The following CCDC30 variants were observed in gnomAD, a reference collection of about 807,000 sequenced individuals.
CCDC30 encodes the protein coiled-coil domain-containing protein 30.
Under a neutral mutation model 100.2 loss-of-function variants are expected in CCDC30, and 70 were observed. The ratio of observed to expected loss-of-function variants is 0.70; its 90% CI spans 0.58 to 0.85. The LOEUF (loss-of-function observed/expected upper bound fraction) is 0.85, where lower values mean the gene tolerates loss of function less well. Ranked by LOEUF, CCDC30 falls within the 40% of genes least tolerant of loss-of-function variation. The probability of loss-of-function intolerance (pLI) is 0.00; values close to 1 mark genes in which losing one functional copy is unlikely to be tolerated. For missense variants in CCDC30, 652 were observed against 771.2 expected (o/e 0.85, Z 1.83); for synonymous variants, 233 against 269.5 (o/e 0.86, Z 1.33).
At chr1:42,484,587 CT>C (rs1644019875) in intron 3 of CCDC30, among the ~76,000 whole-genome samples, 1 of 152,166 alleles carries the variant, frequency 6.6e-6, no homozygotes, top group South Asian at 2.1e-4. Context: ...TTAGCAAGTC[CT>C]TTTGGAATGT....
chr1:42,628,043 A>G (rs1646965219), intron 11 of CCDC30, among the ~76,000 whole-genome samples: 1 of 152,168 alleles, frequency 6.6e-6, no homozygotes, highest in African/African-American at 2.4e-5. Flanking sequence ...ATGCCAGCCC[A>G]TGAAACAGCC....
At chr1:42,499,251 A>G (rs1037014535) in intron 6 of CCDC30, among the ~76,000 whole-genome samples, 1 of 152,192 alleles carries the variant, frequency 6.6e-6, no homozygotes, top group Non-Finnish European at 1.5e-5. Context: ...ATTCAGCATG[A>G]TCAGCCTCTG....
the CCDC30 span, chr1:42,457,456 A>G: frequency 6.3e-6 from 6 of 955,182 alleles, no homozygotes; most frequent in African/African-American, 6.5e-5. Flanking sequence ...CGCTAGGCAC[A>G]GGGGATACAG....
At chr1:42,493,625 G>A (rs12405571) in intron 4 of CCDC30, among the ~76,000 whole-genome samples, 58,548 of 151,850 alleles carry the variant, frequency 0.39, 11,743 homozygotes, top group East Asian at 0.59. Flanking sequence ...AGACAGAACC[G>A]CAATAGAGTA....
intron 1 of CCDC30, among the ~76,000 whole-genome samples, chr1:42,474,404 T>C (rs1643857698): frequency 6.6e-6 from 1 of 152,208 alleles, no homozygotes; most frequent in South Asian, 2.1e-4. Context: ...ACTTGGCACC[T>C]AGCAAGTGTT....
intron 9 of CCDC30, among the ~76,000 whole-genome samples, chr1:42,582,251 A>G (rs1446824332): frequency 6.6e-6 from 1 of 152,084 alleles, no homozygotes. Flanking sequence ...TTATTTCTCA[A>G]CATAAGCTCC....
intron 6 of CCDC30, among the ~76,000 whole-genome samples, chr1:42,538,525 T>C (rs767096386): frequency 1.3e-5 from 2 of 151,984 alleles, no homozygotes; most frequent in Non-Finnish European, 2.9e-5. Context: ...AGCCCAGGAG[T>C]TGAGGACTAT....
At chr1:42,456,625 TGAG>T in the CCDC30 span, 3 of 1,578,306 alleles carry the variant, frequency 1.9e-6, no homozygotes, top group South Asian at 2.3e-5. Context: ...CGCGCTGGGC[TGAG>T]GTTATGGCTC....
chr1:42,456,869 C>T, the CCDC30 span: 1 of 1,613,348 alleles, frequency 6.2e-7, no homozygotes, highest in Admixed American at 1.7e-5. Flanking sequence ...CCAGACTTGG[C>T]TGTCCGCTCT....
the CCDC30 span, chr1:42,456,634 G>A: frequency 6.4e-7 from 1 of 1,565,556 alleles, no homozygotes; most frequent in Non-Finnish European, 8.6e-7. Flanking sequence ...CTGAGGTTAT[G>A]GCTCGCTTCG....
upstream of CCDC30, among the ~76,000 whole-genome samples, chr1:42,458,578 T>G (rs1643307724): frequency 6.6e-6 from 1 of 152,238 alleles, no homozygotes; most frequent in Non-Finnish European, 1.5e-5. Flanking sequence ...ATAACTCGTT[T>G]AGTAGTGATA....
At chr1:42,608,074 CA>C (rs1646539502) in intron 10 of CCDC30, among the ~76,000 whole-genome samples, 1 of 151,828 alleles carries the variant, frequency 6.6e-6, no homozygotes, top group Non-Finnish European at 1.5e-5. Flanking sequence ...AATTCAGCCC[CA>C]AACACCATGT....
chr1:42,539,294 C>T, intron 6 of CCDC30: 2 of 1,591,316 alleles, frequency 1.3e-6, no homozygotes, highest in South Asian at 1.2e-5. Flanking sequence ...AGAGAGAATT[C>T]TGAATTAGAA....
chr1:42,653,749 T>C (rs2148702740), intron 16 of CCDC30, 69 bp from the exon 21 acceptor site: 2 of 1,128,748 alleles, frequency 1.8e-6, no homozygotes, highest in East Asian at 2.4e-5. Context: ...AATGCCTGTA[T>C]CCCTGTAACC....
chr1:42,492,300 G>A, intron 4 of CCDC30: 1 of 196,934 alleles, frequency 5.1e-6, no homozygotes, highest in Non-Finnish European at 1.1e-5. Flanking sequence ...AGGCAGCACT[G>A]GAAAAGAGAA....
intron 6 of CCDC30, chr1:42,536,581 G>C (rs1316292479): frequency 3.7e-6 from 6 of 1,611,760 alleles, no homozygotes; most frequent in Non-Finnish European, 5.1e-6. Flanking sequence ...TGCAGAGAAG[G>C]CCTTGAAAGT....
intron 11 of CCDC30, among the ~76,000 whole-genome samples, chr1:42,617,868 T>G (rs1023151808): frequency 1.3e-5 from 2 of 152,194 alleles, no homozygotes; most frequent in Non-Finnish European, 2.9e-5. Context: ...GCAAAGGCAG[T>G]CTAGTCCCCA....
At chr1:42,607,340 G>A (rs1418438450) in intron 10 of CCDC30, among the ~76,000 whole-genome samples, 1 of 152,266 alleles carries the variant, frequency 6.6e-6, no homozygotes, top group East Asian at 1.9e-4. Flanking sequence ...ATTTTAGGAA[G>A]AGGTTTAGCT....
intron 1 of CCDC30, chr1:42,473,422 C>A: frequency 1.2e-5 from 6 of 502,892 alleles, no homozygotes; most frequent in Non-Finnish European, 1.8e-5. Flanking sequence ...AAAGCACCCA[C>A]GTGTAGACCT....
Sources: gnomAD v4.1 joint callset for allele counts (sites outside exome capture counted in the v4.1 genomes callset) on GRCh38, gnomAD v4.1.1 for gene constraint, MANE v1.5 for transcripts, NCBI Gene and HGNC (gene_info 2026-07-23, HGNC 2026-07-21) for gene names.